Variants in HEATR1 observed in about 807,000 individuals in gnomAD.
The protein encoded by HEATR1 is HEAT repeat-containing protein 1.
In HEATR1, 77 loss-of-function variants were observed where a neutral mutation model predicts 248.2. That is an observed-to-expected ratio of 0.31 (90% CI 0.26 to 0.37). The LOEUF (loss-of-function observed/expected upper bound fraction) is 0.37, where lower values mean the gene tolerates loss of function less well. Among genes scored for constraint, HEATR1 ranks in the 10% least tolerant of loss-of-function variants. HEATR1 has a pLI of 1.00. For missense variants in HEATR1, 2,420 were observed against 2,504.9 expected (o/e 0.97, Z 0.72); for synonymous variants, 897 against 923.1 (o/e 0.97, Z 0.51).
At position 236,559,150 on chromosome 1, in the gene HEATR1, T is replaced by C; in HGVS notation, c.4771-15A>G. Reference sequence around the variant, plus strand: ...AAGGCATTGACCTAAAGAGAAATTTTATATTTAACATGAAAAGAAAAACAA... The same window carrying C: ...AAGGCATTGACCTAAAGAGAAATTTCATATTTAACATGAAAAGAAAAACAA... On this transcript the variant is annotated splice_polypyrimidine_tract_variant and intron_variant, in intron 34 of 44. Coordinates refer to ENST00000366582, the MANE Select transcript of HEATR1 (RefSeq NM_018072.6). The C allele has an allele frequency of 1.3e-6, 2 of 1,534,488 alleles. No individual in the cohort carries two copies. The highest frequency in any genetic ancestry group is 8.7e-7 in the Non-Finnish European group (1 of 1,145,218).
intron 12 of HEATR1, among the ~76,000 whole-genome samples, chr1:236,590,186 T>C (rs1663994124): frequency 1.3e-5 from 2 of 152,150 alleles, no homozygotes; most frequent in African/African-American, 4.8e-5. Context: ...CATTCAAATG[T>C]CCCAAAATAT....
At position 236,587,947 on chromosome 1, in the gene HEATR1, C is replaced by T. The variant is rs1345689360; in HGVS notation, c.1626+1G>A. 1 of 1,604,968 alleles carries T rather than the reference C, an allele frequency of 6.2e-7. No individual in the cohort carries two copies. The highest frequency in any genetic ancestry group is 1.3e-5 in the African/African-American group (1 of 74,718). ...CCTCAACAAATGACAAATTCACTCA[C>T]CTCAAAAGCACTTATAGCCGACAAA... is the stretch of plus-strand genomic sequence containing the variant. On this transcript the variant is annotated splice_donor_variant, in intron 13 of 44. Transcript: ENST00000366582. LOFTEE classifies it high-confidence loss of function.
At chr1:236,586,475 T>G (rs1663888993) in intron 14 of HEATR1, 23 bp from the exon 15 acceptor site, 2 of 1,545,834 alleles carry the variant, frequency 1.3e-6, no homozygotes, top group South Asian at 1.1e-5. Context: ...CAAGCACACT[T>G]GGTTGAAAGA....
At chr1:236,553,467 G>T in intron 43 of HEATR1, 114 bp downstream of exon 43, 2 of 1,045,346 alleles carry the variant, frequency 1.9e-6, no homozygotes, top group Non-Finnish European at 2.8e-6. Flanking sequence ...ATGACAAATA[G>T]CAATGTTCTT....
At chr1:236,585,745 A>G in intron 16 of HEATR1, 75 bp downstream of exon 16, 1 of 1,483,136 alleles carries the variant, frequency 6.7e-7, no homozygotes. Context: ...AGAAAAATCT[A>G]GTAAAGCAAA....
At position 236,569,100 on chromosome 1, in the gene HEATR1, A is replaced by G; in HGVS notation, c.3973T>C (p.Ser1325Pro). 6.3e-7 allele frequency: 1 copy of G among 1,597,606 alleles called. No homozygotes were observed. Among genetic ancestry groups the G allele is most frequent in the Non-Finnish European group, 8.5e-7 (1 of 1,173,066 alleles). ...FPDKVLHNIM[S>P]IFTFMGANVM... ...TTGGCTCCCATAAATGTAAAAATAG[A>G]CATGATATTGTGTAAAACTTTATCC... Residue 1325 changes from serine (S) to proline (P), a missense_variant, in exon 29 of 45, where the codon TCT becomes CCT. Ser to Pro is a moderately conservative substitution (Grantham distance 74, BLOSUM62 -1). Transcript: ENST00000366582.
intron 20 of HEATR1, among the ~76,000 whole-genome samples, chr1:236,579,856 A>G (rs1663661402): frequency 6.6e-6 from 1 of 152,122 alleles, no homozygotes; most frequent in Non-Finnish European, 1.5e-5. Context: ...ACACTGAGGA[A>G]TTGTTCAGGG....
At chr1:236,587,778 G>C (rs1572049274) in intron 13 of HEATR1, among the ~76,000 whole-genome samples, 170 bp downstream of exon 13, 1 of 152,032 alleles carries the variant, frequency 6.6e-6, no homozygotes, top group Admixed American at 6.6e-5. Flanking sequence ...ATCAAATTGT[G>C]AATTTCTGTG....
In HEATR1 at chr1:236,581,191, T is replaced by C. The variant is rs1378022823; in HGVS notation, c.2755+31A>G. ...TAGAGAAAGCATGAACAGTTGGTCA[T>C]GACAAAACATAACAATGCTACTTTT... On this transcript the variant is annotated intron_variant, in intron 20 of 44. Transcript: ENST00000366582. The C allele has an allele frequency of 3.2e-6, 5 of 1,554,312 alleles. No homozygotes were observed. In the South Asian group the frequency reaches 4.5e-5, roughly 14 times the overall value.
chr1:236,589,802 C>T (rs1461592300), intron 12 of HEATR1, among the ~76,000 whole-genome samples: 1 of 152,156 alleles, frequency 6.6e-6, no homozygotes, highest in Admixed American at 6.5e-5. Context: ...TGGAGCATTC[C>T]TATTTTAATT....
At chr1:236,557,714 TAAGGA>T (rs1663015059) in intron 36 of HEATR1, among the ~76,000 whole-genome samples, 1 of 152,152 alleles carries the variant, frequency 6.6e-6, no homozygotes, top group African/African-American at 2.4e-5. Context: ...GGCTGTACAG[TAAGGA>T]ACTACCACAG....
In HEATR1 at chr1:236,577,074, C is replaced by T. The variant is rs141900580; in HGVS notation, c.2756-125G>A. 5.2e-5 allele frequency: 35 copies of T among 677,626 alleles called. No individual in the cohort carries two copies. The Middle Eastern group carries it at 1.2e-3, about 24-fold the overall frequency. 42.0% of individuals were successfully genotyped at this position (677,626 alleles called of 1,614,324 possible). On this transcript the variant is annotated intron_variant, in intron 20 of 44. Transcript: ENST00000366582. ...CGAATTCAAACTCCTTCTCTGTTCA[C>T]TGTTTGAATATTTAATATTCCAGAG...
chr1:236,598,414 A>G (rs747955541), intron 4 of HEATR1, among the ~76,000 whole-genome samples: 1 of 152,238 alleles, frequency 6.6e-6, no homozygotes, highest in Non-Finnish European at 1.5e-5. Flanking sequence ...ATGGTATGTA[A>G]TAGATGCTCC....
chr1:236,604,022 T>C lies in HEATR1; in HGVS notation c.74A>G (p.Glu25Gly), dbSNP rs752403855. 1.9e-6 allele frequency: 3 copies of C among 1,599,278 alleles called. No individual in the cohort carries two copies. Among genetic ancestry groups the C allele is most frequent in the Non-Finnish European group, 2.6e-6 (3 of 1,174,492 alleles). Reference protein sequence around the residue: ...QSDASLLSRDEVASLLFDPKE... With the variant: ...QSDASLLSRDGVASLLFDPKE... ...AGGGTCAAATAACAAAGAAGCAACT[T>C]CATCTCTAGATAAGAGGCTGGCATC... Residue 25 changes from glutamate (E) to glycine (G), a missense_variant, in exon 2 of 45, where the codon GAA becomes GGA. By Grantham distance (98) the Glu-to-Gly change is moderately conservative. Coordinates refer to ENST00000366582, the MANE Select transcript of HEATR1 (RefSeq NM_018072.6).
intron 42 of HEATR1, among the ~76,000 whole-genome samples, chr1:236,554,043 C>A (rs1662864843): frequency 6.6e-6 from 1 of 152,116 alleles, no homozygotes; most frequent in Non-Finnish European, 1.5e-5. Context: ...AATACATTAA[C>A]CATGACAGCT....
intron 3 of HEATR1, among the ~76,000 whole-genome samples, chr1:236,600,472 GA>G (rs375837159): frequency 3.0e-4 from 45 of 151,646 alleles, no homozygotes; most frequent in African/African-American, 1.1e-3. Flanking sequence ...CCTCTTCTGT[GA>G]AAACTCTCCT....
In HEATR1 at chr1:236,592,747, G is replaced by T. The variant is rs891773299; in HGVS notation, c.1194-114C>A. 3 of 540,250 alleles carry T rather than the reference G, an allele frequency of 5.6e-6. No individual in the cohort carries two copies. In the African/African-American group the frequency reaches 5.8e-5, roughly 10 times the overall value. 33.5% of individuals were successfully genotyped at this position (540,250 alleles called of 1,614,324 possible). A position where few individuals can be genotyped will look rare whatever the true frequency, so the allele number is the denominator to read the frequency against. On this transcript the variant is annotated intron_variant, in intron 9 of 44. Transcript: ENST00000366582. ...TCTCTAATTGTCATACTTATACAAG[G>T]TATAGTTTAATACTTATTTTACAGA...
chr1:236,566,878 T>C lies in HEATR1; in HGVS notation c.4078-2A>G. Reference sequence around the variant, plus strand: ...TTCTATAGAATCTCCACTATCAGACTGCAAAACAGCAAGCAGAGACAATGA... The same window carrying C: ...TTCTATAGAATCTCCACTATCAGACCGCAAAACAGCAAGCAGAGACAATGA... On this transcript the variant is annotated splice_acceptor_variant, in intron 29 of 44. Transcript: ENST00000366582. LOFTEE classifies it high-confidence loss of function. The C allele has an allele frequency of 6.3e-7, 1 of 1,597,520 alleles. No homozygotes were observed. Among genetic ancestry groups the C allele is most frequent in the Non-Finnish European group, 8.6e-7 (1 of 1,165,118 alleles).
At chr1:236,558,121 A>G in intron 36 of HEATR1, 116 bp downstream of exon 36, 2 of 1,182,076 alleles carry the variant, frequency 1.7e-6, no homozygotes, top group South Asian at 1.5e-5. Context: ...TTCTTTAACA[A>G]ATTCCAATTT....
Sources: allele counts gnomAD v4.1 joint callset (sites outside exome capture counted in the v4.1 genomes callset), GRCh38; gene constraint gnomAD v4.1.1; transcripts MANE v1.5; gene names NCBI Gene and HGNC (gene_info 2026-07-23, HGNC 2026-07-21).